EYS: variants seen among roughly 807,000 people sequenced by gnomAD.
The protein encoded by EYS is EGF-like photoreceptor maintenance factor.
Under a neutral mutation model 282.1 loss-of-function variants are expected in EYS, and 250 were observed. The ratio of observed to expected loss-of-function variants is 0.89; its 90% CI spans 0.80 to 0.98. The LOEUF (loss-of-function observed/expected upper bound fraction) is 0.98. Among genes scored for constraint, EYS ranks in the 50% least tolerant of loss-of-function variants. The pLI, the probability that EYS is intolerant of heterozygous loss-of-function variation, is 0.00. For synonymous variants in EYS, 1,355 were observed against 1,282.9 expected (o/e 1.06, Z -1.20); for missense variants, 4,016 against 3,709.0 (o/e 1.08, Z -2.15).
intron 2 of EYS, among the ~76,000 whole-genome samples, chr6:65,600,108 C>T (rs946991706): frequency 1.3e-5 from 2 of 152,042 alleles, no homozygotes; most frequent in Non-Finnish European, 2.9e-5. Context: ...ACTATAATTT[C>T]ATTTTCCTTC....
intron 35 of EYS, among the ~76,000 whole-genome samples, chr6:63,977,459 AATTGTGAGAAATT>A (rs1203368371): frequency 6.6e-6 from 1 of 152,024 alleles, no homozygotes; most frequent in Non-Finnish European, 1.5e-5. Flanking sequence ...TCCCAAAGGA[AATTGTGAGAAATT>A]ATTGCAATTC....
At chr6:65,056,697 C>T (rs1285471460) in intron 13 of EYS, among the ~76,000 whole-genome samples, 3 of 151,904 alleles carry the variant, frequency 2.0e-5, no homozygotes, top group Non-Finnish European at 4.4e-5. Flanking sequence ...ATCCCACCTG[C>T]CCAAGCATGA....
intron 35 of EYS, among the ~76,000 whole-genome samples, chr6:63,878,906 C>G (rs1316787967): frequency 6.6e-6 from 1 of 152,120 alleles, no homozygotes; most frequent in African/African-American, 2.4e-5. Flanking sequence ...AAGGGAATTC[C>G]CCGACTCCTT....
intron 2 of EYS, among the ~76,000 whole-genome samples, chr6:65,502,258 C>A (rs1324538969): frequency 2.0e-5 from 3 of 151,798 alleles, no homozygotes; most frequent in Middle Eastern, 3.4e-3. Flanking sequence ...CATACTCTTA[C>A]CATGTGATCC....
chr6:64,266,776 G>A (rs1767773915), intron 30 of EYS, among the ~76,000 whole-genome samples: 1 of 152,120 alleles, frequency 6.6e-6, no homozygotes, highest in Admixed American at 6.6e-5. Context: ...GGGGACATGG[G>A]CTAACCCTAA....
chr6:65,211,597 A>T (rs1186315983), intron 12 of EYS, among the ~76,000 whole-genome samples: 2 of 152,050 alleles, frequency 1.3e-5, no homozygotes, highest in African/African-American at 4.8e-5. Context: ...ATTTTCAACC[A>T]AATATTCTTG....
chr6:64,569,341 A>G (rs1451286009), intron 26 of EYS, among the ~76,000 whole-genome samples: 1 of 152,032 alleles, frequency 6.6e-6, no homozygotes, highest in African/African-American at 2.4e-5. Context: ...GAACTTCATG[A>G]AGCATACACA....
intron 33 of EYS, among the ~76,000 whole-genome samples, chr6:64,001,043 A>G (rs1306360699): frequency 2.6e-5 from 4 of 152,234 alleles, no homozygotes; most frequent in Admixed American, 2.0e-4. Flanking sequence ...CATATCCCTT[A>G]TGCCTCTCAA....
intron 29 of EYS, among the ~76,000 whole-genome samples, chr6:64,346,380 T>C (rs1384281245): frequency 5.3e-5 from 8 of 151,990 alleles, no homozygotes; most frequent in African/African-American, 1.9e-4. Flanking sequence ...CCATAAAAAA[T>C]GATGAGTTCA....
At chr6:64,535,092 T>G (rs149195458) in intron 26 of EYS, among the ~76,000 whole-genome samples, 1 of 152,316 alleles carries the variant, frequency 6.6e-6, no homozygotes, top group Non-Finnish European at 1.5e-5. Context: ...TCTGACCTAC[T>G]GATTATCTTG....
At chr6:64,966,569 T>C (rs1055057946) in intron 14 of EYS, among the ~76,000 whole-genome samples, 6 of 152,144 alleles carry the variant, frequency 3.9e-5, no homozygotes, top group African/African-American at 1.4e-4. Flanking sequence ...TTCAAGGGGC[T>C]TTAGGGGAAA....
chr6:64,762,709 A>G (rs11758047), intron 22 of EYS, among the ~76,000 whole-genome samples: 7,192 of 152,168 alleles, frequency 0.047, 242 homozygotes, highest in East Asian at 0.19. Context: ...ACTCACAACC[A>G]TGGTGCTCAC....
At chr6:64,760,172 T>C (rs1006132962) in intron 22 of EYS, among the ~76,000 whole-genome samples, 6 of 152,202 alleles carry the variant, frequency 3.9e-5, no homozygotes, top group Non-Finnish European at 8.8e-5. Context: ...AATAGTTGTA[T>C]AGTTTTTTGA....
intron 5 of EYS, among the ~76,000 whole-genome samples, chr6:65,478,752 C>T (rs903803399): frequency 6.6e-6 from 1 of 152,024 alleles, no homozygotes; most frequent in African/African-American, 2.4e-5. Flanking sequence ...TGAAGAGTTG[C>T]TTGTTTCACT....
At chr6:65,488,549 G>C (rs1562216629) in intron 5 of EYS, among the ~76,000 whole-genome samples, 1 of 152,054 alleles carries the variant, frequency 6.6e-6, no homozygotes, top group African/African-American at 2.4e-5. Flanking sequence ...TGGCCTTACT[G>C]TCCAAAGTAA....
intron 39 of EYS, among the ~76,000 whole-genome samples, chr6:63,782,542 G>A (rs937540639): frequency 1.3e-5 from 2 of 152,200 alleles, no homozygotes; most frequent in African/African-American, 4.8e-5. Flanking sequence ...TTGTGTAGAG[G>A]TGTTTATAGT....
rs536173524 is a variant in EYS, at chr6:65,015,339, T to C, written c.2138-17636A>G. Among the ~76,000 whole-genome samples, 9 of 152,316 alleles carry C rather than the reference T, an allele frequency of 5.9e-5. No individual in the cohort carries two copies. The South Asian group carries it at 1.7e-3, about 28-fold the overall frequency. The stretch of plus-strand genomic sequence containing the variant: ...TGTTAGTTATCACGCTAATTTGTGA[T>C]GAAAATTGGGATGTGTTAAATGAAG... On this transcript the variant is annotated intron_variant, in intron 13 of 42. Transcript: ENST00000503581.
chr6:64,786,360 G>A (rs1304381408), intron 22 of EYS, among the ~76,000 whole-genome samples: 7 of 152,070 alleles, frequency 4.6e-5, no homozygotes, highest in Admixed American at 2.0e-4. Flanking sequence ...ATATATAGAC[G>A]TTGGAAGAGG....
chr6:64,790,322 A>G (rs1405410930), intron 22 of EYS, among the ~76,000 whole-genome samples: 1 of 151,932 alleles, frequency 6.6e-6, no homozygotes, highest in East Asian at 1.9e-4. Flanking sequence ...AAACCTGCAC[A>G]TACACCCCCT....
Sources: allele counts gnomAD v4.1 joint callset (sites outside exome capture counted in the v4.1 genomes callset), GRCh38; gene constraint gnomAD v4.1.1; transcripts MANE v1.5; gene names NCBI Gene and HGNC (gene_info 2026-07-23, HGNC 2026-07-21).